Variants in ZNF587 observed in about 807,000 individuals in gnomAD.
The protein encoded by ZNF587 is zinc finger protein zfp6.
Under a neutral mutation model 7.5 loss-of-function variants are expected in ZNF587, and 8 were observed. That is an observed-to-expected ratio of 1.06 (90% CI 0.62 to 1.92). The LOEUF is 1.92. Ranked by LOEUF, ZNF587 falls within the 40% of genes most tolerant of loss-of-function variation. The pLI is 0.00. For synonymous variants in ZNF587, 145 were observed against 237.8 expected, an observed-to-expected ratio of 0.61 and a Z score of 3.59; for missense variants, 468 against 692.8, an observed-to-expected ratio of 0.68 and a Z score of 3.64.
rs1389377386 is a variant in ZNF587, at chr19:57,862,105, T to C, written c.*1965T>C. ...TTGGTTTTCAGTACCACAAGAACTA[T>C]GAGCTGGTTATCCACTTCATGTGGA... On this transcript the variant is annotated 3_prime_UTR_variant, in exon 3 of 3. Coordinates refer to ENST00000339656, the MANE Select transcript of ZNF587 (RefSeq NM_032828.4). 3 of 152,176 alleles carry C rather than the reference T, an allele frequency of 2.0e-5. No individual in the cohort carries two copies. The highest frequency in any genetic ancestry group is 4.4e-5 in the Non-Finnish European group (3 of 68,032). 9.4% of individuals were successfully genotyped at this position (152,176 alleles called of 1,614,324 possible).
intron 1 of ZNF587, chr19:57,853,966 G>A (rs562700126): frequency 6.6e-6 from 1 of 152,152 alleles, no homozygotes; most frequent in Non-Finnish European, 1.5e-5. Flanking sequence ...ATGCTGACCA[G>A]GCTAGTCTTG....
In ZNF587 at chr19:57,861,223, G is replaced by A. The variant is rs748256208; in HGVS notation, c.*1083G>A. ...TCATTTGTATATCTATCTACCATCA[G>A]TGTCCAAGAATTTCTGTTCTATCTT... On this transcript the variant is annotated 3_prime_UTR_variant, in exon 3 of 3. Coordinates refer to ENST00000339656, the MANE Select transcript of ZNF587 (RefSeq NM_032828.4). 1.3e-5 allele frequency: 2 copies of A among 152,126 alleles called. No individual in the cohort carries two copies. The highest frequency in any genetic ancestry group is 1.5e-5 in the Non-Finnish European group (1 of 68,026). The allele number at this position is 152,126 out of a possible 1,614,324, so 9.4% of individuals were successfully genotyped here.
Position 57,860,048 on chromosome 19 carries a change from A to T in ZNF587, c.1636A>T (p.Arg546Trp), listed in dbSNP as rs1295523602. Reference protein sequence around the residue: ...IKHRRIHTGERPYECTKCGKT... With the variant: ...IKHRRIHTGEWPYECTKCGKT... ...ACACAGGAGAATTCACACTGGAGAA[A>T]GGCCTTATGAATGCACCAAATGTGG... is the stretch of plus-strand genomic sequence containing the variant. The change falls in exon 3 of 3, where the codon AGG (arginine) becomes TGG (tryptophan). Residue 546 changes from arginine to tryptophan, a missense_variant. Physicochemically the swap from Arg to Trp is moderately radical, Grantham distance 101. Coordinates refer to ENST00000339656, the MANE Select transcript of ZNF587 (RefSeq NM_032828.4). 1.1e-5 allele frequency: 18 copies of T among 1,614,182 alleles called. No homozygotes were observed. The highest frequency in any genetic ancestry group is 1.7e-5 in the Admixed American group (1 of 60,026).
rs555173979 is a variant in ZNF587, at chr19:57,853,373, T to A, written c.34-2731T>A. On this transcript the variant is annotated intron_variant, in intron 1 of 2. Transcript: ENST00000339656. ...GCATCAAATCGATAACTAGACATAC[T>A]GGATGGGGTATCTGGGAGGGTGTTG... 3.0e-4 allele frequency among the ~76,000 whole-genome samples: 45 copies of A among 152,318 alleles called. 1 individual carries two copies. Among genetic ancestry groups the A allele is most frequent in the Admixed American group, 1.8e-3 (27 of 15,296 alleles).
intron 1 of ZNF587, 149 bp downstream of exon 1, chr19:57,850,220 T>A (rs1400792563): frequency 6.9e-7 from 1 of 1,439,674 alleles, no homozygotes; most frequent in Non-Finnish European, 9.5e-7. Context: ...CTTGTAACCG[T>A]CCAGTGGGTT....
In ZNF587 at chr19:57,859,625, G is replaced by T. The variant is rs758072970; in HGVS notation, c.1213G>T (p.Glu405Ter). 6.2e-7 allele frequency: 1 copy of T among 1,614,100 alleles called. No homozygotes were observed. The highest frequency in any genetic ancestry group is 8.5e-7 in the Non-Finnish European group (1 of 1,180,020). The change falls in exon 3 of 3, where the codon GAA becomes TAA. Residue 405 changes from glutamate to a stop codon, truncating the protein, a stop_gained. Coordinates refer to ENST00000339656, the MANE Select transcript of ZNF587 (RefSeq NM_032828.4). LOFTEE classifies it low-confidence loss of function (END_TRUNC). The part of the protein sequence containing the change: ...LVHHQRGHTG[E>*]RPYECKECGK... ...TCACCATCAGCGAGGTCATACTGGA[G>T]AAAGGCCCTATGAGTGCAAGGAATG... is the stretch of plus-strand genomic sequence containing the variant.
At chr19:57,856,702 C>A (rs1369760653) in intron 2 of ZNF587, among the ~76,000 whole-genome samples, 2 of 152,034 alleles carry the variant, frequency 1.3e-5, no homozygotes, top group Non-Finnish European at 2.9e-5. Context: ...GCCACCACGC[C>A]CAGCCACCTT....
At chr19:57,857,355 T>G (rs1052726545) in intron 2 of ZNF587, 1 of 152,154 alleles carries the variant, frequency 6.6e-6, no homozygotes, top group Non-Finnish European at 1.5e-5. Flanking sequence ...GAGTTTCACA[T>G]GTGTTAGTTC....
At position 57,850,084 on chromosome 19, in the gene ZNF587, C is replaced by A. The variant is rs143135812; in HGVS notation, c.33+13C>A. 4.6e-5 allele frequency: 74 copies of A among 1,614,258 alleles called. No individual in the cohort carries two copies. In the East Asian group the frequency reaches 1.5e-3, roughly 34 times the overall value. On this transcript the variant is annotated intron_variant, in intron 1 of 2. Coordinates refer to ENST00000339656, the MANE Select transcript of ZNF587 (RefSeq NM_032828.4). ...GCGCCCAACTCAGGTAATTGTGGTG[C>A]CTTCTGTGCCCTCAGGTCACCCCAT...
intron 1 of ZNF587, among the ~76,000 whole-genome samples, chr19:57,855,163 G>A (rs954052128): frequency 2.0e-5 from 3 of 151,676 alleles, no homozygotes; most frequent in African/African-American, 7.3e-5. Context: ...CAGCCTGGGG[G>A]ACACAGCAAG....
rs1600126330 is a variant in ZNF587, at chr19:57,861,145, A to G, written c.*1005A>G. The G allele has an allele frequency of 6.6e-6, 1 of 152,248 alleles. No individual in the cohort carries two copies. Among genetic ancestry groups the G allele is most frequent in the East Asian group, 1.9e-4 (1 of 5,182 alleles). The allele number at this position is 152,248 out of a possible 1,614,324, so 9.4% of individuals were successfully genotyped here. On this transcript the variant is annotated 3_prime_UTR_variant, in exon 3 of 3. Coordinates refer to ENST00000339656, the MANE Select transcript of ZNF587 (RefSeq NM_032828.4). ...GGTGTGACCTACTGTGCTTGGCCTA[A>G]TGTACAACTTTTTAAGCAATGCCAA...
In ZNF587 at chr19:57,860,106, A is replaced by C. The variant is rs150540100; in HGVS notation, c.1694A>C (p.His565Pro). ...TTTCAGCGAAGCTCTACCCTCCTTC[A>C]TCATCAGAGTTCACACAGGAGAAAG... ...KTFQRSSTLLHHQSSHRRKAL is the reference protein window; with the variant it reads ...KTFQRSSTLLPHQSSHRRKAL The change falls in exon 3 of 3, where the codon CAT (histidine) becomes CCT (proline). Residue 565 changes from histidine (H) to proline (P), a missense_variant. By Grantham distance (77) the His-to-Pro change is moderately conservative. Transcript: ENST00000339656. 6.2e-7 allele frequency: 1 copy of C among 1,613,190 alleles called. No homozygotes were observed. Among genetic ancestry groups the C allele is most frequent in the South Asian group, 1.1e-5 (1 of 91,052 alleles).
chr19:57,858,346 T>G (rs1403923080), intron 2 of ZNF587: 1 of 729,284 alleles, frequency 1.4e-6, no homozygotes, highest in Admixed American at 3.3e-5. Flanking sequence ...ATGCTGGTCT[T>G]GAACTTCTGA....
rs2071269587 is a variant in ZNF587, at chr19:57,850,610, C to T, written c.33+539C>T. 7.5e-6 allele frequency: 3 copies of T among 401,336 alleles called. No individual in the cohort carries two copies. The East Asian group carries it at 1.1e-4, about 14-fold the overall frequency. The allele number at this position is 401,336 out of a possible 1,614,324, so 24.9% of individuals were successfully genotyped here. The stretch of plus-strand genomic sequence containing the variant: ...TCTTAGATATTGGGGAAACCAGCCC[C>T]ACACCACCCAGCAGATACCCCGAGT... On this transcript the variant is annotated intron_variant, in intron 1 of 2. Coordinates refer to ENST00000339656, the MANE Select transcript of ZNF587 (RefSeq NM_032828.4).
chr19:57,851,051 G>A (rs2071274837), intron 1 of ZNF587: 1 of 152,338 alleles, frequency 6.6e-6, no homozygotes, highest in Non-Finnish European at 1.5e-5. Context: ...TATGCTCTCG[G>A]GGCATAAAGA....
rs1474137397 is a variant in ZNF587, at chr19:57,859,414, T to C, written c.1002T>C (p.Gly334=). 6.2e-7 allele frequency: 1 copy of C among 1,609,884 alleles called. No individual in the cohort carries two copies. Among genetic ancestry groups the C allele is most frequent in the Admixed American group, 1.7e-5 (1 of 59,824 alleles). ...GTAGAGAATGTGGGAAATCTTTTGGTCAAAAGGGTAACCTCATTCAACATC... is the reference window on the plus strand; with the variant it reads ...GTAGAGAATGTGGGAAATCTTTTGGCCAAAAGGGTAACCTCATTCAACATC... ...YECRECGKSF[G]QKGNLIQHQQ... is the part of the protein sequence containing the mutation. The change falls in exon 3 of 3, where the codon GGT becomes GGC. Residue 334 remains glycine, a synonymous_variant. Coordinates refer to ENST00000339656, the MANE Select transcript of ZNF587 (RefSeq NM_032828.4).
chr19:57,856,183 G>A lies in ZNF587; in HGVS notation c.113G>A (p.Cys38Tyr). 6.2e-7 allele frequency: 1 copy of A among 1,610,376 alleles called. No homozygotes were observed. Among genetic ancestry groups the A allele is most frequent in the Non-Finnish European group, 8.5e-7 (1 of 1,177,630 alleles). ...TGTCTTCTTAGTGAGGCTCAGAGGT[G>A]CTTGTACCGTGATGTGATGCTAGAG... The part of the protein sequence containing the change: ...EWCLLSEAQR[C>Y]LYRDVMLENL... The change falls in exon 2 of 3, where the codon TGC becomes TAC. Residue 38 changes from cysteine to tyrosine, a missense_variant. Transcript: ENST00000339656.
rs1352157839 is a variant in ZNF587, at chr19:57,863,028, C to G, written c.*2888C>G. 1 of 153,030 alleles carries G rather than the reference C, an allele frequency of 6.5e-6. No individual in the cohort carries two copies. Among genetic ancestry groups the G allele is most frequent in the East Asian group, 1.9e-4 (1 of 5,202 alleles). The allele number at this position is 153,030 out of a possible 1,614,324, so 9.5% of individuals were successfully genotyped here. A position where few individuals can be genotyped will look rare whatever the true frequency, so the allele number is the denominator to read the frequency against. On this transcript the variant is annotated 3_prime_UTR_variant, in exon 3 of 3. Transcript: ENST00000339656. The stretch of plus-strand genomic sequence containing the variant: ...AGTGCAGTGGCACGATCTCGGCTCA[C>G]TGCAACTCCACCTCCCGGGTTCACG...
At position 57,864,750 on chromosome 19, in the gene ZNF587, C is replaced by CTGAAGAGTATGTTTGTCTCTTGT. The variant is rs1381214619; in HGVS notation, c.*4611_*4633dup. 5.4e-4 allele frequency: 82 copies of CTGAAGAGTATGTTTGTCTCTTGT among 152,116 alleles called. No homozygotes were observed. The highest frequency in any genetic ancestry group is 5.4e-3 in the Admixed American group (82 of 15,246). 9.4% of individuals were successfully genotyped at this position (152,116 alleles called of 1,614,324 possible). A position where few individuals can be genotyped will look rare whatever the true frequency, so the allele number is the denominator to read the frequency against. ...TTCAAACAAATTATGACCACACACA[C>CTGAAGAGTATGTTTGTCTCTTGT]TGAAGAGTATGTTTGTCTCTTGTGG... On this transcript the variant is annotated 3_prime_UTR_variant, in exon 3 of 3. Transcript: ENST00000339656.
Sources: allele counts gnomAD v4.1 joint callset (sites outside exome capture counted in the v4.1 genomes callset), GRCh38; gene constraint gnomAD v4.1.1; transcripts MANE v1.5; gene names NCBI Gene and HGNC (gene_info 2026-07-23, HGNC 2026-07-21).